Variants in CNTN4 observed in about 807,000 individuals in gnomAD.
CNTN4 encodes contactin-4.
Under a neutral mutation model 122.5 loss-of-function variants are expected in CNTN4, and 77 were observed. The ratio of observed to expected loss-of-function variants is 0.63; its 90% CI spans 0.52 to 0.76. The LOEUF (loss-of-function observed/expected upper bound fraction) is 0.76, where lower values mean the gene tolerates loss of function less well. Among genes scored for constraint, CNTN4 ranks in the 30% least tolerant of loss-of-function variants. CNTN4 has a pLI of 0.00. For synonymous variants in CNTN4, 512 were observed against 447.0 expected, an observed-to-expected ratio of 1.15 and a Z score of -1.83; for missense variants, 1,256 against 1,259.1, an observed-to-expected ratio of 1.00 and a Z score of 0.04.
At chr3:2,805,933 G>A (rs529025688) in intron 6 of CNTN4, among the ~76,000 whole-genome samples, 18 of 151,912 alleles carry the variant, frequency 1.2e-4, no homozygotes, top group African/African-American at 3.9e-4. Flanking sequence ...ACAGAGTCTC[G>A]CTCTGTCGCC....
At chr3:2,951,051 A>G (rs1240563702) in intron 13 of CNTN4, among the ~76,000 whole-genome samples, 1 of 152,234 alleles carries the variant, frequency 6.6e-6, no homozygotes, top group Non-Finnish European at 1.5e-5. Flanking sequence ...TTCAATGGTG[A>G]TAATAATGGT....
chr3:2,390,414 T>G (rs1350103700), intron 3 of CNTN4, among the ~76,000 whole-genome samples: 3 of 152,118 alleles, frequency 2.0e-5, no homozygotes, highest in Non-Finnish European at 4.4e-5. Context: ...TTTCTATCCA[T>G]TAATATATAA....
At chr3:2,254,084 C>T (rs2040483235) in intron 2 of CNTN4, among the ~76,000 whole-genome samples, 2 of 150,344 alleles carry the variant, frequency 1.3e-5, no homozygotes, top group Admixed American at 1.3e-4. Flanking sequence ...GTTCCCCTCC[C>T]TGTGTCCATG....
chr3:2,988,670 A>T, intron 14 of CNTN4, 198 bp downstream of exon 14: 1 of 608,120 alleles, frequency 1.6e-6, no homozygotes, highest in Non-Finnish European at 2.9e-6. Flanking sequence ...AGGCTATCTT[A>T]TTTCAGAATC....
chr3:2,896,136 A>T (rs114561719), intron 10 of CNTN4, among the ~76,000 whole-genome samples: 1 of 152,166 alleles, frequency 6.6e-6, no homozygotes. Flanking sequence ...CAGGCTTCCA[A>T]TCCCCAGACT....
intron 4 of CNTN4, among the ~76,000 whole-genome samples, chr3:2,635,582 G>T (rs551551401): frequency 1.3e-5 from 2 of 152,090 alleles, no homozygotes; most frequent in Admixed American, 1.3e-4. Flanking sequence ...TCACAAGGGC[G>T]CCTTGAATGT....
intron 2 of CNTN4, among the ~76,000 whole-genome samples, chr3:2,206,547 A>C (rs1229012302): frequency 6.6e-6 from 1 of 152,122 alleles, no homozygotes; most frequent in East Asian, 1.9e-4. Flanking sequence ...TTTTCTTTGA[A>C]CAATATTTGC....
At chr3:2,837,175 T>C (rs182219295) in intron 7 of CNTN4, among the ~76,000 whole-genome samples, 23 of 147,726 alleles carry the variant, frequency 1.6e-4, no homozygotes, top group Non-Finnish European at 2.9e-4. Flanking sequence ...CATGGTTCTC[T>C]GTTGTTAATT....
chr3:2,924,208 A>G (rs1258225209), intron 12 of CNTN4, among the ~76,000 whole-genome samples: 10 of 152,196 alleles, frequency 6.6e-5, no homozygotes, highest in Non-Finnish European at 1.3e-4. Flanking sequence ...CCACAACAAA[A>G]GAATGTAATC....
intron 4 of CNTN4, among the ~76,000 whole-genome samples, chr3:2,721,082 G>C (rs756226716): frequency 1.3e-5 from 2 of 151,934 alleles, no homozygotes; most frequent in Non-Finnish European, 2.9e-5. Context: ...AGCAATTCTC[G>C]TGTCTCAGCC....
chr3:2,740,742 G>A (rs1487342448), intron 5 of CNTN4, among the ~76,000 whole-genome samples: 1 of 152,158 alleles, frequency 6.6e-6, no homozygotes, highest in African/African-American at 2.4e-5. Flanking sequence ...ATCAGGTAGG[G>A]TTCTCAGAAG....
chr3:2,849,364 A>G lies in CNTN4; in HGVS notation c.455-17388A>G, dbSNP rs79428582. Among the ~76,000 whole-genome samples the G allele has an allele frequency of 2.2e-3, 331 of 152,360 alleles. 1 individual carries two copies. The highest frequency in any genetic ancestry group is 7.7e-3 in the African/African-American group (322 of 41,588). On this transcript the variant is annotated intron_variant, in intron 7 of 24. Transcript: ENST00000418658. ...GATAGTTGCACAACATTGGGAATGG[A>G]TGTAGTGGCACTGAACTGTGCACTT... is the stretch of plus-strand genomic sequence containing the variant.
At chr3:2,354,460 G>T (rs1167391752) in intron 3 of CNTN4, among the ~76,000 whole-genome samples, 1 of 152,178 alleles carries the variant, frequency 6.6e-6, no homozygotes, top group Non-Finnish European at 1.5e-5. Context: ...GAACCCGGGA[G>T]GCGGAGGTTA....
rs372817807 is a variant in CNTN4, at chr3:2,291,224, G to A, written c.-144-47954G>A. Reference sequence around the variant, plus strand: ...TACATTATAATTTTTTTGGTATCAGGGAGTATATAAAGGCTGTGTTCGTCC... The same window carrying A: ...TACATTATAATTTTTTTGGTATCAGAGAGTATATAAAGGCTGTGTTCGTCC... On this transcript the variant is annotated intron_variant, in intron 2 of 24. Transcript: ENST00000418658. 1.6e-4 allele frequency among the ~76,000 whole-genome samples: 25 copies of A among 152,120 alleles called. No homozygotes were observed. The South Asian group carries it at 4.8e-3, about 29-fold the overall frequency.
intron 2 of CNTN4, among the ~76,000 whole-genome samples, chr3:2,337,479 T>G (rs910439788): frequency 6.6e-6 from 1 of 152,076 alleles, no homozygotes; most frequent in African/African-American, 2.4e-5. Context: ...ATTATGTAAT[T>G]TAATTATTAA....
chr3:2,374,494 C>T (rs1290407604), intron 3 of CNTN4, among the ~76,000 whole-genome samples: 1 of 152,160 alleles, frequency 6.6e-6, no homozygotes, highest in African/African-American at 2.4e-5. Context: ...ACCCCGTATA[C>T]TTCACAGACT....
chr3:2,875,807 G>C (rs1012797193), intron 8 of CNTN4, among the ~76,000 whole-genome samples: 6 of 152,162 alleles, frequency 3.9e-5, no homozygotes, highest in African/African-American at 1.4e-4. Context: ...TGGATACATG[G>C]ATAACTTTTT....
intron 3 of CNTN4, among the ~76,000 whole-genome samples, chr3:2,481,021 C>CTTTTCT (rs1553662956): frequency 1.1e-5 from 1 of 93,584 alleles, no homozygotes; most frequent in Admixed American, 1.0e-4. Context: ...TTCTTTCTTT[C>CTTTTCT]TTTTCTTTTT....
At chr3:2,445,725 C>A (rs2048601412) in intron 3 of CNTN4, among the ~76,000 whole-genome samples, 1 of 152,114 alleles carries the variant, frequency 6.6e-6, no homozygotes. Context: ...ACTTCTGTTT[C>A]ATGATCCTGT....
Sources: gnomAD v4.1 joint callset for allele counts (sites outside exome capture counted in the v4.1 genomes callset) on GRCh38, gnomAD v4.1.1 for gene constraint, MANE v1.5 for transcripts, NCBI Gene and HGNC (gene_info 2026-07-23, HGNC 2026-07-21) for gene names.